The following ACAA1 variants were observed in gnomAD, a reference collection of about 807,000 sequenced individuals.
ACAA1 encodes the protein 3-ketoacyl-CoA thiolase, peroxisomal.
Under a neutral mutation model 48.8 loss-of-function variants are expected in ACAA1, and 44 were observed. The observed-to-expected ratio is 0.90, with a 90% CI of 0.71 to 1.16. The LOEUF is 1.16. Among genes scored for constraint, ACAA1 ranks in the 50% most tolerant of loss-of-function variants. The pLI, the probability that ACAA1 is intolerant of heterozygous loss-of-function variation, is 0.00. For missense variants in ACAA1, 512 were observed against 562.3 expected (o/e 0.91, Z 0.90); for synonymous variants, 233 against 226.5 (o/e 1.03, Z -0.26).
intron 6 of ACAA1, among the ~76,000 whole-genome samples, chr3:38,128,654 C>T (rs781404604): frequency 4.6e-5 from 7 of 152,100 alleles, no homozygotes; most frequent in Non-Finnish European, 1.0e-4. Context: ...TGCAGTGGCA[C>T]GATCTCAGCT....
At chr3:38,131,696 G>T in intron 4 of ACAA1, 58 bp from the exon 5 acceptor site, 1 of 1,580,916 alleles carries the variant, frequency 6.3e-7, no homozygotes, top group Non-Finnish European at 8.7e-7. Flanking sequence ...TCTGGAAGCA[G>T]TGGAGCCTCT....
chr3:38,122,885 AT>A lies in ACAA1; in HGVS notation c.*161del, dbSNP rs764462331. The A allele has an allele frequency of 8.8e-4, 699 of 796,954 alleles. 2 individuals carry two copies. The highest frequency in any genetic ancestry group is 1.2e-3 in the Non-Finnish European group (583 of 501,740). The allele number at this position is 796,954 out of a possible 1,614,324, so 49.4% of individuals were successfully genotyped here. On this transcript the variant is annotated 3_prime_UTR_variant, in exon 12 of 12. Coordinates refer to ENST00000333167, the MANE Select transcript of ACAA1 (RefSeq NM_001607.4). Reference sequence around the variant, plus strand: ...ACCCCACCCACTCCTATACCATGTCATCAGTGTTCACATTTTCCAAATGAGT... The same window carrying A: ...ACCCCACCCACTCCTATACCATGTCACAGTGTTCACATTTTCCAAATGAGT...
chr3:38,127,954 G>A, intron 6 of ACAA1, 88 bp from the exon 7 acceptor site: 1 of 1,382,066 alleles, frequency 7.2e-7, no homozygotes. Flanking sequence ...GGAACTTTGG[G>A]TTCCCAAGGC....
chr3:38,128,949 T>G (rs190440145), intron 6 of ACAA1, among the ~76,000 whole-genome samples: 181 of 152,324 alleles, frequency 1.2e-3, no homozygotes, highest in Middle Eastern at 0.01. Context: ...CACCAGCATG[T>G]TCTGTCGTCA....
Position 38,125,670 on chromosome 3 carries a change from T to G in ACAA1, c.1094A>C (p.Lys365Thr). The G allele has an allele frequency of 6.3e-7, 1 of 1,598,804 alleles. No individual in the cohort carries two copies. ...CACTGCACCCCCCAGGGGGTTCACCTTCTCAGGGGGGAGTCGTAGCTTCTC... is the reference window on the plus strand; with the variant it reads ...CACTGCACCCCCCAGGGGGTTCACCGTCTCAGGGGGGAGTCGTAGCTTCTC... ...CVEKLRLPPE[K>T]VNPLGGAVAL... The change falls in exon 11 of 12, where the codon AAG becomes ACG. Residue 365 changes from lysine to threonine, a missense_variant. Lys to Thr is a moderately conservative substitution (Grantham distance 78). Coordinates refer to ENST00000333167, the MANE Select transcript of ACAA1 (RefSeq NM_001607.4).
At position 38,126,919 on chromosome 3, in the gene ACAA1, G is replaced by T. The variant is rs1700694872; in HGVS notation, c.627-219C>A. 6.6e-6 allele frequency among the ~76,000 whole-genome samples: 1 copy of T among 152,190 alleles called. No homozygotes were observed. On this transcript the variant is annotated intron_variant, in intron 7 of 11. Coordinates refer to ENST00000333167, the MANE Select transcript of ACAA1 (RefSeq NM_001607.4). The surrounding 1 kb of genome is among the most constrained non-coding windows in gnomAD (Gnocchi z 4.7). ...CGTGGCCAATCCCAACCTCAAAGGGGGGAAAGGGTGTTTGGAAGTGGTGCC... is the reference window on the plus strand; with the variant it reads ...CGTGGCCAATCCCAACCTCAAAGGGTGGAAAGGGTGTTTGGAAGTGGTGCC...
chr3:38,127,996 A>G, intron 6 of ACAA1, 130 bp from the exon 7 acceptor site: 1 of 814,546 alleles, frequency 1.2e-6, no homozygotes, highest in South Asian at 1.5e-5. Context: ...GGGCCAGTCC[A>G]TGCCACAGAC....
Position 38,131,641 on chromosome 3 carries a change from G to C in ACAA1, c.404-3C>G. The C allele has an allele frequency of 6.2e-7, 1 of 1,614,172 alleles. No individual in the cohort carries two copies. The highest frequency in any genetic ancestry group is 1.3e-5 in the African/African-American group (1 of 75,046). Reference sequence around the variant, plus strand: ...ATAAGACCCATTTCTGATGCCACCTGTAACAAAAGCATTTCATAAACATCC... The same window carrying C: ...ATAAGACCCATTTCTGATGCCACCTCTAACAAAAGCATTTCATAAACATCC... On this transcript the variant is annotated splice_region_variant and splice_polypyrimidine_tract_variant and intron_variant, in intron 4 of 11. Transcript: ENST00000333167.
chr3:38,130,719 C>T (rs756216225), intron 5 of ACAA1, among the ~76,000 whole-genome samples: 13 of 152,242 alleles, frequency 8.5e-5, no homozygotes, highest in South Asian at 2.1e-4. Flanking sequence ...AGAAATCAAA[C>T]GGCAGTGGCC....
At chr3:38,132,072 C>A in intron 3 of ACAA1, 67 bp from the exon 4 acceptor site, 1 of 1,427,436 alleles carries the variant, frequency 7.0e-7, no homozygotes, top group East Asian at 2.3e-5. Flanking sequence ...GGAAAGCAGT[C>A]CTATGCTTCT....
intron 11 of ACAA1, 185 bp from the exon 12 acceptor site, chr3:38,123,307 T>C (rs1281568404): frequency 1.6e-6 from 1 of 607,122 alleles, no homozygotes. Context: ...TGCAGGCTAG[T>C]ATCCCTTTCA....
intron 6 of ACAA1, 77 bp from the exon 7 acceptor site, chr3:38,127,943 T>G: frequency 6.6e-7 from 1 of 1,511,226 alleles, no homozygotes; most frequent in Non-Finnish European, 9.2e-7. Context: ...GAGCTGTGCT[T>G]GGAACTTTGG....
intron 2 of ACAA1, among the ~76,000 whole-genome samples, chr3:38,136,129 T>A (rs968040725): frequency 1.3e-5 from 2 of 152,222 alleles, no homozygotes; most frequent in African/African-American, 2.4e-5. Context: ...CTTGATTCAA[T>A]ACAGCACATG....
intron 2 of ACAA1, among the ~76,000 whole-genome samples, chr3:38,134,805 G>C (rs1350411061): frequency 6.6e-6 from 1 of 152,166 alleles, no homozygotes; most frequent in African/African-American, 2.4e-5. Context: ...AGAAAGCCTG[G>C]GTATTTGTCC....
At position 38,136,637 on chromosome 3, in the gene ACAA1, T is replaced by C; in HGVS notation, c.220A>G (p.Lys74Glu). Residue 74 changes from lysine (K) to glutamate (E), a missense_variant, in exon 2 of 12, where the codon AAG (lysine) becomes GAG (glutamate). Physicochemically the swap from Lys to Glu is moderately conservative, Grantham distance 56. Transcript: ENST00000333167. ...TGTTCCGGCCTCAGATTCACGTCCT[T>C]GAGAACCGCGGTCATGACTGCCGAG... ...LLSAVMTAVLKDVNLRPEQLG... is the reference protein window; with the variant it reads ...LLSAVMTAVLEDVNLRPEQLG... 1 of 1,613,830 alleles carries C rather than the reference T, an allele frequency of 6.2e-7. No homozygotes were observed. Among genetic ancestry groups the C allele is most frequent in the Non-Finnish European group, 8.5e-7 (1 of 1,179,888 alleles).
intron 3 of ACAA1, chr3:38,132,242 C>T (rs2239621): frequency 0.32 from 105,242 of 327,298 alleles, 18,356 homozygotes; most frequent in African/African-American, 0.56. Context: ...TTCCCTTCTA[C>T]TCCTATGAGA....
chr3:38,134,323 C>T (rs1346817164), intron 2 of ACAA1: 2 of 454,434 alleles, frequency 4.4e-6, no homozygotes, highest in Non-Finnish European at 8.1e-6. Context: ...TGAAAATGCA[C>T]ATCTCCCCAG....
chr3:38,134,263 TCAGCA>T (rs1330425314), intron 2 of ACAA1: 1 of 559,770 alleles, frequency 1.8e-6, no homozygotes, highest in Non-Finnish European at 3.2e-6. Flanking sequence ...CTTTTCCAAA[TCAGCA>T]CAGATGGGCA....
Position 38,126,238 on chromosome 3 carries a change from A to C in ACAA1, c.921T>G (p.Tyr307Ter). ...TGTCAGGTGGGACCCCAACCACTGC[A>C]TAAGACCTCAGGACCCCAAGGATGG... ...GLPILGVLRS[Y>*]AVVGVPPDIM... The change falls in exon 9 of 12, where the codon TAT becomes TAG. Residue 307 changes from tyrosine to a stop codon, truncating the protein, a stop_gained. Transcript: ENST00000333167. LOFTEE classifies it high-confidence loss of function. The surrounding 1 kb of genome is among the most constrained non-coding windows in gnomAD (Gnocchi z 4.7). 1 of 1,614,194 alleles carries C rather than the reference A, an allele frequency of 6.2e-7. No individual in the cohort carries two copies. Among genetic ancestry groups the C allele is most frequent in the Non-Finnish European group, 8.5e-7 (1 of 1,180,022 alleles).
Sources: gnomAD v4.1 joint callset for allele counts (sites outside exome capture counted in the v4.1 genomes callset) on GRCh38, gnomAD v4.1.1 for gene constraint, Gnocchi (gnomAD v3.1) non-coding constraint, MANE v1.5 for transcripts, NCBI Gene and HGNC (gene_info 2026-07-23, HGNC 2026-07-21) for gene names.